The following ITPRID1 variants were observed in gnomAD, a reference collection of about 807,000 sequenced individuals.
ITPRID1 encodes protein ITPRID1.
A neutral mutation model predicts 95.4 loss-of-function variants in ITPRID1; 96 were observed. That is an observed-to-expected ratio of 1.01 (90% CI 0.85 to 1.19). The LOEUF (loss-of-function observed/expected upper bound fraction) is 1.19, where lower values mean the gene tolerates loss of function less well. Among genes scored for constraint, ITPRID1 ranks in the 50% most tolerant of loss-of-function variants. The probability of loss-of-function intolerance (pLI) is 0.00; values close to 1 mark genes in which losing one functional copy is unlikely to be tolerated. For missense variants in ITPRID1, 1,339 were observed against 1,252.9 expected, an observed-to-expected ratio of 1.07 and a Z score of -1.04; for synonymous variants, 510 against 453.6, an observed-to-expected ratio of 1.12 and a Z score of -1.58.
In ITPRID1 at chr7:31,516,362, A is replaced by G. The variant is rs372752476; in HGVS notation, c.-98+2242A>G. 2.6e-5 allele frequency among the ~76,000 whole-genome samples: 4 copies of G among 152,286 alleles called. No individual in the cohort carries two copies. In the East Asian group the frequency reaches 5.8e-4, roughly 22 times the overall value. On this transcript the variant is annotated intron_variant, in intron 1 of 14. Coordinates refer to ENST00000615280, the MANE Select transcript of ITPRID1 (RefSeq NM_001257967.3). ...AAAGAACTAATATATCAAACCTTAG[A>G]CTCTATAAAAAGCTGACCCAAATTA... is the stretch of plus-strand genomic sequence containing the variant.
intron 10 of ITPRID1, among the ~76,000 whole-genome samples, chr7:31,619,385 A>T (rs1787580454): frequency 6.6e-6 from 1 of 152,206 alleles, no homozygotes; most frequent in Non-Finnish European, 1.5e-5. Context: ...TGAATTTTCA[A>T]TTCTTATTAT....
At chr7:31,527,395 C>G (rs182980290) in intron 1 of ITPRID1, among the ~76,000 whole-genome samples, 1 of 152,298 alleles carries the variant, frequency 6.6e-6, no homozygotes, top group African/African-American at 2.4e-5. Flanking sequence ...AATCTCTTAG[C>G]TTTTCTGGGT....
Position 31,578,163 on chromosome 7 carries a change from C to G in ITPRID1, c.899C>G (p.Thr300Ser). 3 of 1,613,742 alleles carry G rather than the reference C, an allele frequency of 1.9e-6. No individual in the cohort carries two copies. The highest frequency in any genetic ancestry group is 2.5e-6 in the Non-Finnish European group (3 of 1,179,808). ...GATTGTGGAGCAGAGCTAGCAGCAA[C>G]CTCAATCAACCACAAGCAAAATCAT... ...PWDCGAELAA[T>S]SINHKQNHLS... Residue 300 changes from threonine (T) to serine (S), a missense_variant, in exon 9 of 15, where the codon ACC becomes AGC. Transcript: ENST00000615280.
At chr7:31,534,520 C>A (rs981077565) in intron 1 of ITPRID1, among the ~76,000 whole-genome samples, 7 of 152,080 alleles carry the variant, frequency 4.6e-5, no homozygotes, top group African/African-American at 1.7e-4. Flanking sequence ...TTTTTTTACT[C>A]TGCTAATAGT....
At chr7:31,537,322 C>A (rs1783794025) in intron 1 of ITPRID1, among the ~76,000 whole-genome samples, 2 of 152,114 alleles carry the variant, frequency 1.3e-5, no homozygotes. Context: ...GTTTAAAAAT[C>A]TGTTGAAAAT....
chr7:31,537,062 T>C (rs10235435), intron 1 of ITPRID1, among the ~76,000 whole-genome samples: 20,269 of 145,440 alleles, frequency 0.14, 1,831 homozygotes, highest in Non-Finnish European at 0.2. Flanking sequence ...TGCTGTTGCT[T>C]CCTATTTATT....
At chr7:31,615,476 C>T (rs531460600) in intron 10 of ITPRID1, among the ~76,000 whole-genome samples, 17 of 151,994 alleles carry the variant, frequency 1.1e-4, no homozygotes, top group Non-Finnish European at 1.8e-4. Context: ...GTACTATGGA[C>T]GCATCTTGAA....
In ITPRID1 at chr7:31,643,326, T is replaced by G; in HGVS notation, c.1956T>G (p.Tyr652Ter). The stretch of plus-strand genomic sequence containing the variant: ...CCAAGCACAGTGAAATCACACCTTA[T>G]GCAACTGACCTTGCTCAAACATCTG... The part of the protein sequence containing the change: ...CIPKHSEITP[Y>*]ATDLAQTSEK... Residue 652 changes from tyrosine to a stop codon, truncating the protein, a stop_gained, in exon 12 of 15, where the codon TAT (tyrosine) becomes TAG (stop). Coordinates refer to ENST00000615280, the MANE Select transcript of ITPRID1 (RefSeq NM_001257967.3). LOFTEE classifies it high-confidence loss of function. The G allele has an allele frequency of 6.2e-7, 1 of 1,613,978 alleles. No homozygotes were observed. The highest frequency in any genetic ancestry group is 8.5e-7 in the Non-Finnish European group (1 of 1,179,886).
chr7:31,524,987 A>G (rs566946027), intron 1 of ITPRID1, among the ~76,000 whole-genome samples: 45 of 152,308 alleles, frequency 3.0e-4, no homozygotes, highest in African/African-American at 1.1e-3. Flanking sequence ...TTCATTACTG[A>G]GCTCTAGATC....
intron 1 of ITPRID1, among the ~76,000 whole-genome samples, chr7:31,519,925 C>T (rs544997455): frequency 6.6e-5 from 10 of 151,060 alleles, no homozygotes; most frequent in Admixed American, 1.3e-4. Flanking sequence ...TAACTAAGTC[C>T]GCCTTTATTT....
chr7:31,589,833 G>A (rs949100788), intron 10 of ITPRID1, among the ~76,000 whole-genome samples: 3 of 152,154 alleles, frequency 2.0e-5, no homozygotes, highest in Non-Finnish European at 2.9e-5. Context: ...GCAGGGTATT[G>A]TGGTGTTGTA....
chr7:31,557,744 C>G (rs1262107971), intron 5 of ITPRID1, among the ~76,000 whole-genome samples: 1 of 152,076 alleles, frequency 6.6e-6, no homozygotes, highest in East Asian at 1.9e-4. Flanking sequence ...AAATGAGGCT[C>G]AGAAAGGTAA....
intron 10 of ITPRID1, among the ~76,000 whole-genome samples, chr7:31,623,659 G>A (rs1393380904): frequency 9.2e-6 from 1 of 108,728 alleles, no homozygotes; most frequent in Non-Finnish European, 2.0e-5. Flanking sequence ...TACTGAATGG[G>A]GAAAAACTGG....
chr7:31,641,415 G>A (rs1790005703), intron 10 of ITPRID1, among the ~76,000 whole-genome samples: 1 of 151,970 alleles, frequency 6.6e-6, no homozygotes, highest in African/African-American at 2.4e-5. Flanking sequence ...CCTTCCTCCT[G>A]AGAGACTTCC....
intron 2 of ITPRID1, among the ~76,000 whole-genome samples, chr7:31,552,768 G>A (rs1159666540): frequency 6.6e-6 from 1 of 152,208 alleles, no homozygotes; most frequent in African/African-American, 2.4e-5. Context: ...GTGGTCTGAT[G>A]ACTGGCATGG....
intron 10 of ITPRID1, among the ~76,000 whole-genome samples, chr7:31,588,186 G>A (rs943092246): frequency 6.6e-6 from 1 of 152,040 alleles, no homozygotes; most frequent in African/African-American, 2.4e-5. Flanking sequence ...CCTACATAAA[G>A]GTACTGAAGA....
chr7:31,649,209 C>G (rs1029747715), intron 12 of ITPRID1, among the ~76,000 whole-genome samples: 4 of 152,222 alleles, frequency 2.6e-5, no homozygotes, highest in Non-Finnish European at 5.9e-5. Context: ...AAAAACATTA[C>G]TCTTAGGAAA....
intron 11 of ITPRID1, 146 bp downstream of exon 11, chr7:31,642,404 G>A: frequency 1.5e-6 from 1 of 671,424 alleles, no homozygotes; most frequent in Admixed American, 3.0e-5. Flanking sequence ...AGGTTGAGAA[G>A]GCACAAGCCA....
At chr7:31,565,619 T>A (rs1467680688) in intron 5 of ITPRID1, among the ~76,000 whole-genome samples, 1 of 152,112 alleles carries the variant, frequency 6.6e-6, no homozygotes, top group Admixed American at 6.5e-5. Flanking sequence ...ATGCTTGTAA[T>A]CTCAGCTACT....
Sources: gnomAD v4.1 joint callset for allele counts (sites outside exome capture counted in the v4.1 genomes callset) on GRCh38, gnomAD v4.1.1 for gene constraint, MANE v1.5 for transcripts, NCBI Gene and HGNC (gene_info 2026-07-23, HGNC 2026-07-21) for gene names.